Variants in HERC3 observed in about 807,000 individuals in gnomAD.
The protein encoded by HERC3 is HECT and RLD domain containing E3 ubiquitin protein ligase 3.
In HERC3, 58 loss-of-function variants were observed where a neutral mutation model predicts 129.9. The ratio of observed to expected loss-of-function variants is 0.45; its 90% confidence interval spans 0.36 to 0.56. HERC3 has a LOEUF of 0.56. Among genes scored for constraint, HERC3 ranks in the 20% least tolerant of loss-of-function variants. The pLI, the probability that HERC3 is intolerant of heterozygous loss-of-function variation, is 0.00. For synonymous variants in HERC3, 430 were observed against 451.0 expected (o/e 0.95, Z 0.59); for missense variants, 835 against 1,244.2 (o/e 0.67, Z 4.95).
intron 3 of HERC3, among the ~76,000 whole-genome samples, chr4:88,606,777 C>A (rs1723692107): frequency 6.6e-6 from 1 of 152,160 alleles, no homozygotes; most frequent in Non-Finnish European, 1.5e-5. Context: ...CCCCATAATT[C>A]ATTTACCTCC....
At chr4:88,662,609 T>C in intron 11 of HERC3, 54 bp downstream of exon 11, 1 of 1,557,156 alleles carries the variant, frequency 6.4e-7, no homozygotes, top group Non-Finnish European at 8.7e-7. Flanking sequence ...TACAACTTTT[T>C]AGCTTAGTGT....
chr4:88,556,177 A>C, the HERC3 span, among the ~76,000 whole-genome samples: 1 of 152,186 alleles, frequency 6.6e-6, no homozygotes, highest in Non-Finnish European at 1.5e-5. Context: ...TCCCTCAGTG[A>C]AAAATGAAGC....
chr4:88,614,611 T>A (rs1724702739), intron 3 of HERC3, among the ~76,000 whole-genome samples: 1 of 152,216 alleles, frequency 6.6e-6, no homozygotes, highest in Non-Finnish European at 1.5e-5. Flanking sequence ...GCTGCCTTTT[T>A]AAGCTCTTTT....
chr4:88,702,475 A>G (rs1184459807), intron 23 of HERC3, among the ~76,000 whole-genome samples: 1 of 152,222 alleles, frequency 6.6e-6, no homozygotes, highest in Non-Finnish European at 1.5e-5. Context: ...AAATGCCATC[A>G]TATTTTACTG....
intron 23 of HERC3, among the ~76,000 whole-genome samples, chr4:88,698,086 G>T (rs1034718013): frequency 6.6e-6 from 1 of 152,108 alleles, no homozygotes; most frequent in Non-Finnish European, 1.5e-5. Flanking sequence ...GTAGCTGCCC[G>T]AGGTGCTTCT....
chr4:88,550,249 C>T, the HERC3 span, among the ~76,000 whole-genome samples: 1 of 152,150 alleles, frequency 6.6e-6, no homozygotes, highest in Admixed American at 6.5e-5. Context: ...TCTCTCACCA[C>T]TCCTATTCAA....
chr4:88,580,935 A>C, the HERC3 span, among the ~76,000 whole-genome samples: 1 of 152,200 alleles, frequency 6.6e-6, no homozygotes, highest in Non-Finnish European at 1.5e-5. Flanking sequence ...AATGGTGTTC[A>C]TAATTGTATG....
chr4:88,539,135 C>G, the HERC3 span, among the ~76,000 whole-genome samples: 3 of 152,142 alleles, frequency 2.0e-5, no homozygotes, highest in African/African-American at 7.2e-5. Flanking sequence ...ACCTGGGAAG[C>G]GCAAGGTGTC....
intron 3 of HERC3, among the ~76,000 whole-genome samples, chr4:88,629,787 A>G (rs976176615): frequency 2.6e-5 from 4 of 152,212 alleles, no homozygotes; most frequent in African/African-American, 7.2e-5. Context: ...GATAATTTTT[A>G]TATTTATTAC....
At chr4:88,663,535 A>G (rs1425825890) in intron 11 of HERC3, among the ~76,000 whole-genome samples, 3 of 152,138 alleles carry the variant, frequency 2.0e-5, no homozygotes, top group Non-Finnish European at 4.4e-5. Flanking sequence ...AACAGAAACT[A>G]CTGTAATCCC....
the HERC3 span, among the ~76,000 whole-genome samples, chr4:88,576,323 T>G: frequency 6.6e-6 from 1 of 152,204 alleles, no homozygotes; most frequent in African/African-American, 2.4e-5. Flanking sequence ...CAGTGGCTTC[T>G]CATTGAATGT....
chr4:88,630,737 A>G (rs1037972780), intron 3 of HERC3, among the ~76,000 whole-genome samples: 3 of 152,220 alleles, frequency 2.0e-5, no homozygotes, highest in African/African-American at 7.2e-5. Context: ...TATATATACT[A>G]CTGTAGCACC....
At chr4:88,655,048 T>G in intron 7 of HERC3, 126 bp from the exon 8 acceptor site, 1 of 777,542 alleles carries the variant, frequency 1.3e-6, no homozygotes, top group Non-Finnish European at 2.0e-6. Flanking sequence ...ACAAAGTGAT[T>G]TTGGCCAAGT....
chr4:88,611,667 A>G (rs756733414), intron 3 of HERC3, among the ~76,000 whole-genome samples: 2 of 152,254 alleles, frequency 1.3e-5, no homozygotes, highest in South Asian at 4.1e-4. Context: ...GCCAACTCCA[A>G]GTGGCTTACA....
Position 88,684,595 on chromosome 4 carries a change from A to G in HERC3, c.2508-2141A>G, listed in dbSNP as rs188864967. On this transcript the variant is annotated intron_variant, in intron 21 of 25. Coordinates refer to ENST00000402738, the MANE Select transcript of HERC3 (RefSeq NM_014606.3). ...CTTCATGTCTAAAACACCAAAAGCA[A>G]GGGCAACAAAAGCCAAAATTGACAA... 3.9e-5 allele frequency among the ~76,000 whole-genome samples: 6 copies of G among 152,328 alleles called. No homozygotes were observed. The East Asian group carries it at 1.2e-3, about 29-fold the overall frequency.
At chr4:88,604,992 T>C (rs17014254) in intron 2 of HERC3, among the ~76,000 whole-genome samples, 9,609 of 152,280 alleles carry the variant, frequency 0.063, 455 homozygotes, top group Middle Eastern at 0.13. Context: ...TAAAAGGTAA[T>C]GAAACTTTAG....
chr4:88,640,331 C>T (rs1727938555), intron 3 of HERC3, among the ~76,000 whole-genome samples: 1 of 152,124 alleles, frequency 6.6e-6, no homozygotes, highest in Admixed American at 6.5e-5. Flanking sequence ...CCCCAAATGC[C>T]CATCAATGAT....
At chr4:88,611,270 T>C (rs1724285218) in intron 3 of HERC3, among the ~76,000 whole-genome samples, 2 of 152,294 alleles carry the variant, frequency 1.3e-5, no homozygotes, top group Admixed American at 1.3e-4. Context: ...TGGATATGAT[T>C]TGCGTTTGTT....
At chr4:88,682,804 G>A (rs916119298) in intron 21 of HERC3, among the ~76,000 whole-genome samples, 1 of 151,980 alleles carries the variant, frequency 6.6e-6, no homozygotes, top group African/African-American at 2.4e-5. Context: ...TGTCTTTATA[G>A]CAGCATGATT....
Sources: gnomAD v4.1 joint callset for allele counts (sites outside exome capture counted in the v4.1 genomes callset) on GRCh38, gnomAD v4.1.1 for gene constraint, MANE v1.5 for transcripts, NCBI Gene and HGNC (gene_info 2026-07-23, HGNC 2026-07-21) for gene names.